KCNH5: variants seen among roughly 807,000 people sequenced by gnomAD.
KCNH5 encodes voltage-gated delayed rectifier potassium channel KCNH5.
Under a neutral mutation model 96.1 loss-of-function variants are expected in KCNH5, and 46 were observed. That is an observed-to-expected ratio of 0.48 (90% CI 0.38 to 0.61). The LOEUF is 0.61. KCNH5 is among the 20% of genes least tolerant of loss of function. The pLI, the probability that KCNH5 is intolerant of heterozygous loss-of-function variation, is 0.00. For synonymous variants in KCNH5, 439 were observed against 449.8 expected, an observed-to-expected ratio of 0.98 and a Z score of 0.30; for missense variants, 907 against 1,225.8, an observed-to-expected ratio of 0.74 and a Z score of 3.88.
intron 8 of KCNH5, among the ~76,000 whole-genome samples, chr14:62,840,789 C>G (rs566819242): frequency 6.6e-6 from 1 of 151,440 alleles, no homozygotes; most frequent in East Asian, 1.9e-4. Context: ...AGGATGGTCT[C>G]GCTCCTGACC....
Position 63,003,782 on chromosome 14 carries a change from G to A in KCNH5, c.305-2323C>T, listed in dbSNP as rs369414562. On this transcript the variant is annotated intron_variant, in intron 3 of 10. Coordinates refer to ENST00000322893, the MANE Select transcript of KCNH5 (RefSeq NM_139318.5). ...CTACAAGGCGCCTGCCACCACGCCC[G>A]GCTAATTTTTTGTATTTTTAGTAGA... Among the ~76,000 whole-genome samples the A allele has an allele frequency of 4.5e-4, 67 of 150,136 alleles. 5 individuals are homozygous for A. The South Asian group carries it at 5.2e-3, about 12-fold the overall frequency.
chr14:62,937,926 G>A (rs558508446), intron 7 of KCNH5, among the ~76,000 whole-genome samples: 11 of 152,148 alleles, frequency 7.2e-5, no homozygotes, highest in Non-Finnish European at 8.8e-5. Context: ...ACCTATGAAG[G>A]GACCGTTTGG....
At chr14:62,793,794 G>A (rs1263440028) in intron 9 of KCNH5, among the ~76,000 whole-genome samples, 1 of 151,702 alleles carries the variant, frequency 6.6e-6, no homozygotes, top group Non-Finnish European at 1.5e-5. Flanking sequence ...TTAATTTTGT[G>A]AGTAAGAGAG....
At chr14:62,799,076 T>C (rs781536810) in intron 9 of KCNH5, among the ~76,000 whole-genome samples, 11 of 152,266 alleles carry the variant, frequency 7.2e-5, no homozygotes, top group Admixed American at 2.0e-4. Context: ...GCATTAAACA[T>C]GATGGCTTTT....
intron 7 of KCNH5, among the ~76,000 whole-genome samples, chr14:62,855,279 C>T (rs561850434): frequency 5.9e-5 from 9 of 152,206 alleles, no homozygotes; most frequent in East Asian, 1.9e-4. Context: ...TCGACCATTC[C>T]GTTTTTTCTT....
intron 6 of KCNH5, among the ~76,000 whole-genome samples, chr14:62,960,225 T>C (rs1450881094): frequency 6.6e-6 from 1 of 152,174 alleles, no homozygotes; most frequent in Non-Finnish European, 1.5e-5. Context: ...AGCTCAGTTA[T>C]TGCTTCCTTA....
intron 10 of KCNH5, among the ~76,000 whole-genome samples, chr14:62,742,519 TC>T: frequency 6.6e-6 from 1 of 152,286 alleles, no homozygotes; most frequent in African/African-American, 2.4e-5. Context: ...ATATACCCTG[TC>T]CCAAACTAAT....
Position 62,723,928 on chromosome 14 carries a change from C to T in KCNH5, c.2020-15473G>A, listed in dbSNP as rs560125535. Among the ~76,000 whole-genome samples the T allele has an allele frequency of 7.9e-5, 12 of 152,200 alleles. No individual in the cohort carries two copies. In the East Asian group the frequency reaches 1.4e-3, roughly 17 times the overall value. The stretch of plus-strand genomic sequence containing the variant: ...GTTGCAAAATAATCAAATTCTGGTA[C>T]GGTAGCCTTTTATTTGCCATCTAGA... On this transcript the variant is annotated intron_variant, in intron 10 of 10. Coordinates refer to ENST00000322893, the MANE Select transcript of KCNH5 (RefSeq NM_139318.5).
intron 1 of KCNH5, among the ~76,000 whole-genome samples, chr14:63,028,603 T>C (rs1197759162): frequency 6.6e-6 from 1 of 152,066 alleles, no homozygotes; most frequent in Non-Finnish European, 1.5e-5. Context: ...TCTAGGAAAT[T>C]CTGTCTCTTT....
intron 7 of KCNH5, among the ~76,000 whole-genome samples, chr14:62,948,764 A>G (rs896892306): frequency 6.7e-6 from 1 of 149,756 alleles, no homozygotes; most frequent in Non-Finnish European, 1.5e-5. Flanking sequence ...TCCTCAATAA[A>G]ATACTGGCAA....
At chr14:63,010,651 C>T (rs1201145158) in intron 2 of KCNH5, among the ~76,000 whole-genome samples, 2 of 152,208 alleles carry the variant, frequency 1.3e-5, no homozygotes, top group East Asian at 3.8e-4. Flanking sequence ...CTCGCCTAGG[C>T]ATCTGGCAGT....
At chr14:62,783,094 G>A (rs999004621) in intron 9 of KCNH5, among the ~76,000 whole-genome samples, 1 of 152,072 alleles carries the variant, frequency 6.6e-6, no homozygotes, top group Admixed American at 6.6e-5. Flanking sequence ...ATTTTACAAA[G>A]TGACATGGAG....
At chr14:62,930,753 T>A (rs1889565758) in intron 7 of KCNH5, among the ~76,000 whole-genome samples, 1 of 152,134 alleles carries the variant, frequency 6.6e-6, no homozygotes, top group East Asian at 1.9e-4. Context: ...TAAATTTAGT[T>A]CACAGTACTG....
At chr14:62,872,941 G>C (rs1157019565) in intron 7 of KCNH5, among the ~76,000 whole-genome samples, 2 of 152,118 alleles carry the variant, frequency 1.3e-5, no homozygotes, top group African/African-American at 2.4e-5. Flanking sequence ...ACGAGGTCAG[G>C]AGATCGAGAC....
intron 10 of KCNH5, among the ~76,000 whole-genome samples, chr14:62,727,685 A>G (rs1884959720): frequency 6.6e-6 from 1 of 151,870 alleles, no homozygotes; most frequent in Admixed American, 6.6e-5. Flanking sequence ...ATAATTCATC[A>G]AACATTTATA....
At chr14:62,759,532 T>G (rs1885698846) in intron 10 of KCNH5, among the ~76,000 whole-genome samples, 1 of 95,678 alleles carries the variant, frequency 1.0e-5, no homozygotes, top group Non-Finnish European at 2.6e-5. Context: ...TATATTCCAT[T>G]TGATATCATA....
At chr14:63,041,296 T>C (rs1891819850) in intron 1 of KCNH5, among the ~76,000 whole-genome samples, 1 of 152,160 alleles carries the variant, frequency 6.6e-6, no homozygotes, top group Admixed American at 6.5e-5. Context: ...CACAAGTTTA[T>C]TGCTCCCTAG....
intron 10 of KCNH5, among the ~76,000 whole-genome samples, chr14:62,756,968 T>C (rs192380701): frequency 4.9e-4 from 75 of 152,228 alleles, no homozygotes; most frequent in African/African-American, 1.7e-3. Flanking sequence ...AAAAAGCTTC[T>C]TCACAGCAAA....
intron 5 of KCNH5, 72 bp from the exon 6 acceptor site, chr14:62,981,336 T>A: frequency 1.4e-6 from 2 of 1,452,706 alleles, no homozygotes; most frequent in East Asian, 4.6e-5. Context: ...TCAAATCTAC[T>A]GGCAGTCAAA....
Sources: allele counts gnomAD v4.1 joint callset (sites outside exome capture counted in the v4.1 genomes callset), GRCh38; gene constraint gnomAD v4.1.1; transcripts MANE v1.5; gene names NCBI Gene and HGNC (gene_info 2026-07-23, HGNC 2026-07-21).